The following RCC2 variants were observed in gnomAD, a reference collection of about 807,000 sequenced individuals.
RCC2 encodes protein RCC2.
Under a neutral mutation model 64.1 loss-of-function variants are expected in RCC2, and 19 were observed. That is an observed-to-expected ratio of 0.30 (90% CI 0.21 to 0.44). RCC2 has a LOEUF of 0.44. Among genes scored for constraint, RCC2 ranks in the 20% least tolerant of loss-of-function variants. The pLI is 1.00. For synonymous variants in RCC2, 325 were observed against 279.6 expected, an observed-to-expected ratio of 1.16 and a Z score of -1.62; for missense variants, 508 against 710.4, an observed-to-expected ratio of 0.72 and a Z score of 3.24.
chr1:17,429,320 G>T, intron 2 of RCC2, 121 bp from the exon 3 acceptor site: 1 of 751,440 alleles, frequency 1.3e-6, no homozygotes, highest in Non-Finnish European at 2.3e-6. Context: ...TGTCACCTGT[G>T]ACCTCCACAC....
chr1:17,422,091 C>T (rs2075562093), intron 6 of RCC2, 112 bp downstream of exon 6: 1 of 708,978 alleles, frequency 1.4e-6, no homozygotes, highest in Non-Finnish European at 2.4e-6. Context: ...AACATCCAGA[C>T]CCTGTTTTTA....
At chr1:17,413,801 T>C in intron 8 of RCC2, 84 bp from the exon 9 acceptor site, 1 of 1,236,880 alleles carries the variant, frequency 8.1e-7, no homozygotes, top group Non-Finnish European at 1.1e-6. Flanking sequence ...GCAGACAACC[T>C]GGTGCAAATG....
chr1:17,422,036 C>CA (rs761764694), intron 6 of RCC2, among the ~76,000 whole-genome samples, 167 bp downstream of exon 6: 1 of 151,716 alleles, frequency 6.6e-6, no homozygotes, highest in Non-Finnish European at 1.5e-5. Context: ...CAAAAAAAAA[C>CA]AAAAAACAAA....
At chr1:17,418,611 C>T (rs1429423524) in intron 7 of RCC2, among the ~76,000 whole-genome samples, 1 of 151,908 alleles carries the variant, frequency 6.6e-6, no homozygotes, top group Non-Finnish European at 1.5e-5. Flanking sequence ...GACCCGAGAT[C>T]GCGCCACTGC....
intron 2 of RCC2, among the ~76,000 whole-genome samples, chr1:17,437,712 G>A (rs1209608765): frequency 5.2e-3 from 4 of 766 alleles, no homozygotes; most frequent in African/African-American, 0.021. Context: ...CCCCCCGGGC[G>A]CCGGAGCCGA....
At chr1:17,414,438 G>A (rs967875209) in intron 8 of RCC2, among the ~76,000 whole-genome samples, 2 of 151,186 alleles carry the variant, frequency 1.3e-5, no homozygotes, top group African/African-American at 2.4e-5. Context: ...GCTGAGACAG[G>A]AGAATCTCTT....
At chr1:17,412,565 A>G (rs1277728408) in intron 10 of RCC2, among the ~76,000 whole-genome samples, 1 of 152,238 alleles carries the variant, frequency 6.6e-6, no homozygotes, top group Admixed American at 6.5e-5. Flanking sequence ...GGGCAGGGCT[A>G]GAGCCTTCAA....
intron 1 of RCC2, among the ~76,000 whole-genome samples, chr1:17,438,764 G>A (rs576118724): frequency 6.6e-6 from 1 of 152,288 alleles, no homozygotes; most frequent in Admixed American, 6.5e-5. Flanking sequence ...TCCCCTGGAG[G>A]GAGAATTGAG....
In RCC2 at chr1:17,427,130, C is replaced by T. The variant is rs540545679; in HGVS notation, c.380-1446G>A. On this transcript the variant is annotated intron_variant, in intron 3 of 12. Coordinates refer to ENST00000375436, the MANE Select transcript of RCC2 (RefSeq NM_018715.4). ...TGTGGTGATTATCCTGAAATGCTAG[C>T]CACTGCCAAATCGAGTGTGTAAGAC... 5.9e-5 allele frequency among the ~76,000 whole-genome samples: 9 copies of T among 152,310 alleles called. No homozygotes were observed. In the South Asian group the frequency reaches 1.9e-3, roughly 32 times the overall value.
In RCC2 at chr1:17,407,940, C is replaced by T. The variant is rs1490170935; in HGVS notation, c.*1150G>A. The T allele has an allele frequency of 6.6e-6, 1 of 152,580 alleles. No homozygotes were observed. Among genetic ancestry groups the T allele is most frequent in the Admixed American group, 6.5e-5 (1 of 15,276 alleles). 9.5% of individuals were successfully genotyped at this position (152,580 alleles called of 1,614,324 possible). On this transcript the variant is annotated 3_prime_UTR_variant, in exon 13 of 13. Coordinates refer to ENST00000375436, the MANE Select transcript of RCC2 (RefSeq NM_018715.4). ...GAAAGGCACCTCATAACTCACTCAG[C>T]GCAGCACACACGGCGGCGAGCTCGG... is the stretch of plus-strand genomic sequence containing the variant.
rs1403035025 is a variant in RCC2 at position 17,409,056 on chromosome 1, G to A, written c.*34C>T. The stretch of plus-strand genomic sequence containing the variant: ...TGCACATGGAAATGACAGCTGCCGC[G>A]AGAGGTGTGGAGTCGGAGGAGTCTC... On this transcript the variant is annotated 3_prime_UTR_variant, in exon 13 of 13. Transcript: ENST00000375436. 20 of 1,427,508 alleles carry A rather than the reference G, an allele frequency of 1.4e-5. No homozygotes were observed. Among genetic ancestry groups the A allele is most frequent in the South Asian group, 9.2e-5 (8 of 87,290 alleles). 88.4% of individuals were successfully genotyped at this position (1,427,508 alleles called of 1,614,324 possible). A position where few individuals can be genotyped will look rare whatever the true frequency, so the allele number is the denominator to read the frequency against.
At chr1:17,412,568 G>T (rs1306203195) in intron 10 of RCC2, among the ~76,000 whole-genome samples, 1 of 152,180 alleles carries the variant, frequency 6.6e-6, no homozygotes. Flanking sequence ...CAGGGCTAGA[G>T]CCTTCAACAG....
chr1:17,425,503 C>T (rs768509668), intron 4 of RCC2, 38 bp downstream of exon 4: 16 of 1,550,588 alleles, frequency 1.0e-5, no homozygotes, highest in African/African-American at 1.4e-5. Context: ...CAGCTGGTGA[C>T]AGTGGTCCCC....
In RCC2 at chr1:17,422,951, C is replaced by T. The variant is rs2075571335; in HGVS notation, c.524-115G>A. 7.8e-6 allele frequency: 10 copies of T among 1,274,996 alleles called. No individual in the cohort carries two copies. In the East Asian group the frequency reaches 2.1e-4, roughly 27 times the overall value. The allele number at this position is 1,274,996 out of a possible 1,614,324, so 79.0% of individuals were successfully genotyped here. ...GATGCCCATCTGTCTCTGGAAGGTACCCTCCAAATTCCCAACAGCCAAGAT... is the reference window on the plus strand; with the variant it reads ...GATGCCCATCTGTCTCTGGAAGGTATCCTCCAAATTCCCAACAGCCAAGAT... On this transcript the variant is annotated intron_variant, in intron 4 of 12. Transcript: ENST00000375436.
intron 12 of RCC2, among the ~76,000 whole-genome samples, chr1:17,409,712 C>T (rs141095811): frequency 2.8e-3 from 419 of 152,318 alleles, no homozygotes; most frequent in African/African-American, 9.6e-3. Flanking sequence ...TGTGCTCGCC[C>T]GAGAGTGGAT....
chr1:17,433,168 A>G (rs2075701093), intron 2 of RCC2, among the ~76,000 whole-genome samples: 1 of 152,230 alleles, frequency 6.6e-6, no homozygotes, highest in African/African-American at 2.4e-5. Flanking sequence ...TTTTTACGTC[A>G]TGGATCCTAT....
At chr1:17,413,268 A>G in intron 9 of RCC2, 90 bp from the exon 10 acceptor site, 1 of 1,007,242 alleles carries the variant, frequency 9.9e-7, no homozygotes. Context: ...AGAGGACGGG[A>G]TGGCAAACAA....
In RCC2 at chr1:17,425,581, G is replaced by A. The variant is rs1557629718; in HGVS notation, c.483C>T (p.His161=). The A allele has an allele frequency of 6.2e-7, 1 of 1,613,962 alleles. No homozygotes were observed. The highest frequency in any genetic ancestry group is 8.5e-7 in the Non-Finnish European group (1 of 1,179,908). The change falls in exon 4 of 13, where the codon CAC becomes CAT. Residue 161 remains histidine, a synonymous_variant. Coordinates refer to ENST00000375436, the MANE Select transcript of RCC2 (RefSeq NM_018715.4). ...RTVVSGSCAA[H]SLLITTEGKL... ...TCCCTTCCGTGGTGATGAGGAGGCT[G>A]TGTGCAGCACACGAGCCCGAGACCA...
At position 17,438,235 on chromosome 1, in the gene RCC2, G is replaced by A; in HGVS notation, c.280C>T (p.Arg94Cys). The A allele has an allele frequency of 7.6e-7, 1 of 1,308,068 alleles. No individual in the cohort carries two copies. The highest frequency in any genetic ancestry group is 1.7e-5 in the South Asian group (1 of 58,722). The allele number at this position is 1,308,068 out of a possible 1,614,324, so 81.0% of individuals were successfully genotyped here. A position where few individuals can be genotyped will look rare whatever the true frequency, so the allele number is the denominator to read the frequency against. ...VITEPEHTKE[R>C]VKLEGSKCKG... ...CTACCCTGACCCTCACTCACGACGC[G>A]CTCCTTGGTGTGCTCGGGTTCGGTG... Residue 94 changes from arginine (R) to cysteine (C), a missense_variant, in exon 2 of 13, where the codon CGC (arginine) becomes TGC (cysteine). Physicochemically the swap from Arg to Cys is radical, Grantham distance 180. Transcript: ENST00000375436.
Sources: gnomAD v4.1 joint callset for allele counts (sites outside exome capture counted in the v4.1 genomes callset) on GRCh38, gnomAD v4.1.1 for gene constraint, MANE v1.5 for transcripts, NCBI Gene and HGNC (gene_info 2026-07-23, HGNC 2026-07-21) for gene names.